The following RAPGEF2 variants were observed in gnomAD, a reference collection of about 807,000 sequenced individuals.
The protein encoded by RAPGEF2 is Rap guanine nucleotide exchange factor 2, also known as PDZ domain containing guanine nucleotide exchange factor (GEF) 1.
A neutral mutation model predicts 186.7 loss-of-function variants in RAPGEF2; 54 were observed. That is an observed-to-expected ratio of 0.29 (90% CI 0.23 to 0.36). The LOEUF (loss-of-function observed/expected upper bound fraction) is 0.36. Ranked by LOEUF, RAPGEF2 falls within the 10% of genes least tolerant of loss-of-function variation. The probability of loss-of-function intolerance (pLI) is 1.00; values close to 1 mark genes in which losing one functional copy is unlikely to be tolerated. For synonymous variants in RAPGEF2, 712 were observed against 705.9 expected (o/e 1.01, Z -0.14); for missense variants, 1,532 against 2,045.0 (o/e 0.75, Z 4.84).
intron 4 of RAPGEF2, among the ~76,000 whole-genome samples, chr4:159,225,815 T>TA: frequency 6.6e-6 from 1 of 152,238 alleles, no homozygotes; most frequent in Non-Finnish European, 1.5e-5. Flanking sequence ...CTGCCTGTTT[T>TA]AAAAAATTGG....
In RAPGEF2 at chr4:159,353,649, T is replaced by C. The variant is rs1441390034; in HGVS notation, c.4254T>C (p.His1418=). 1.3e-6 allele frequency: 2 copies of C among 1,591,406 alleles called. No individual in the cohort carries two copies. Among genetic ancestry groups the C allele is most frequent in the Admixed American group, 3.6e-5 (2 of 56,032 alleles). The change falls in exon 28 of 30, where the codon CAT becomes CAC. Residue 1418 remains histidine, a synonymous_variant. Coordinates refer to ENST00000691494, the MANE Select transcript of RAPGEF2 (RefSeq NM_001394067.2). The surrounding 1 kb of genome is among the most constrained non-coding windows in gnomAD (Gnocchi z 4.3). ...GSWTSCSSGS[H]DNIQTIQHQR... The stretch of plus-strand genomic sequence containing the variant: ...GGACGTCATGCTCAAGTGGCTCCCA[T>C]GATAATATACAGACGATCCAGCACC...
At chr4:159,258,497 A>G (rs921956107) in intron 7 of RAPGEF2, among the ~76,000 whole-genome samples, 3 of 152,154 alleles carry the variant, frequency 2.0e-5, no homozygotes, top group African/African-American at 7.2e-5. Context: ...GCACAATTCT[A>G]TTTCTGGTAG....
At chr4:159,125,528 G>A (rs1740191859) in intron 1 of RAPGEF2, among the ~76,000 whole-genome samples, 1 of 152,082 alleles carries the variant, frequency 6.6e-6, no homozygotes, top group Admixed American at 6.6e-5. Flanking sequence ...AGAGGCTGGG[G>A]TGGGCGGAAC....
At chr4:159,203,775 A>G (rs985131333) in intron 3 of RAPGEF2, among the ~76,000 whole-genome samples, 1 of 152,224 alleles carries the variant, frequency 6.6e-6, no homozygotes, top group Non-Finnish European at 1.5e-5. Flanking sequence ...GAGATGAGGA[A>G]GATGAAGAGA....
In RAPGEF2 at chr4:159,351,073, C is replaced by A. The variant is rs1731103650; in HGVS notation, c.3865+784C>A. 5 of 1,533,196 alleles carry A rather than the reference C, an allele frequency of 3.3e-6. No homozygotes were observed. In the East Asian group the frequency reaches 1.2e-4, roughly 37 times the overall value. 95.0% of individuals were successfully genotyped at this position (1,533,196 alleles called of 1,614,324 possible). On this transcript the variant is annotated intron_variant, in intron 26 of 29. Transcript: ENST00000691494. ...CCTGTTGTTAGGTGGCAGTGGCAATCAGCTGAGATCTTTTGGCTCCGGGCA... is the reference window on the plus strand; with the variant it reads ...CCTGTTGTTAGGTGGCAGTGGCAATAAGCTGAGATCTTTTGGCTCCGGGCA...
intron 1 of RAPGEF2, among the ~76,000 whole-genome samples, chr4:159,140,642 T>C (rs1742214051): frequency 6.6e-6 from 1 of 151,928 alleles, no homozygotes; most frequent in Non-Finnish European, 1.5e-5. Context: ...TGAGGAAAGG[T>C]TCTCAGTGAC....
At chr4:159,266,272 G>A (rs1252449135) in intron 7 of RAPGEF2, among the ~76,000 whole-genome samples, 1 of 151,946 alleles carries the variant, frequency 6.6e-6, no homozygotes, top group African/African-American at 2.4e-5. Flanking sequence ...GAAGGAAAGA[G>A]AATAGGGTGG....
intron 9 of RAPGEF2, among the ~76,000 whole-genome samples, chr4:159,316,208 C>G (rs926772456): frequency 1.3e-5 from 2 of 152,252 alleles, no homozygotes; most frequent in African/African-American, 4.8e-5. Context: ...GCTCCTATCT[C>G]TGTATGGCCT....
chr4:159,247,239 A>G (rs1005597563), intron 7 of RAPGEF2, among the ~76,000 whole-genome samples: 2 of 152,134 alleles, frequency 1.3e-5, no homozygotes, highest in African/African-American at 4.8e-5. Flanking sequence ...AGTGCCCACC[A>G]TGTTTCAGGT....
In RAPGEF2 at chr4:159,195,049, T is replaced by C. The variant is rs1008340373; in HGVS notation, c.197+1793T>C. 1.4e-4 allele frequency among the ~76,000 whole-genome samples: 22 copies of C among 152,308 alleles called. 1 individual carries two copies. Among genetic ancestry groups the C allele is most frequent in the African/African-American group, 4.8e-4 (20 of 41,562 alleles). Reference sequence around the variant, plus strand: ...AGGTAGATAGAATCTAGGATGATTCTGAGGTTGCAACATGTGAAACTATGA... The same window carrying C: ...AGGTAGATAGAATCTAGGATGATTCCGAGGTTGCAACATGTGAAACTATGA... On this transcript the variant is annotated intron_variant, in intron 3 of 29. Coordinates refer to ENST00000691494, the MANE Select transcript of RAPGEF2 (RefSeq NM_001394067.2).
intron 1 of RAPGEF2, among the ~76,000 whole-genome samples, chr4:159,157,134 G>A (rs1480697378): frequency 6.6e-6 from 1 of 152,148 alleles, no homozygotes; most frequent in East Asian, 1.9e-4. Context: ...CTGAAGAAAA[G>A]ATACTGCCCA....
rs1350030983 is a variant in RAPGEF2 at position 159,241,250 on chromosome 4, A to G, written c.407A>G (p.His136Arg). Reference protein sequence around the residue: ...NEEYFQRQASHRQSRRRFRKI... With the variant: ...NEEYFQRQASRRQSRRRFRKI... ...GAATATTTTCAGCGGCAAGCTTCCC[A>G]TAGACAGTCTCGAAGGAGATTTAGA... Residue 136 changes from histidine (H) to arginine (R), a missense_variant, in exon 6 of 30, where the codon CAT becomes CGT. His to Arg is a conservative substitution (Grantham distance 29). Coordinates refer to ENST00000691494, the MANE Select transcript of RAPGEF2 (RefSeq NM_001394067.2). 7 of 1,534,232 alleles carry G rather than the reference A, an allele frequency of 4.6e-6. No homozygotes were observed. The highest frequency in any genetic ancestry group is 3.5e-6 in the Non-Finnish European group (4 of 1,145,822).
At chr4:159,113,248 A>G (rs900973614) in intron 1 of RAPGEF2, among the ~76,000 whole-genome samples, 2 of 152,208 alleles carry the variant, frequency 1.3e-5, no homozygotes, top group Admixed American at 1.3e-4. Context: ...ATGAAATTTG[A>G]ATATTTAGAT....
intron 7 of RAPGEF2, chr4:159,282,727 C>T (rs2110902034): frequency 2.4e-6 from 1 of 417,124 alleles, no homozygotes; most frequent in Non-Finnish European, 4.7e-6. Flanking sequence ...TTTATTTGCT[C>T]ACAACTTAAT....
At position 159,237,842 on chromosome 4, in the gene RAPGEF2, T is replaced by TAAAAAAAA. The variant is rs58593781; in HGVS notation, c.282-945_282-938dup. 1.5e-4 allele frequency among the ~76,000 whole-genome samples: 10 copies of TAAAAAAAA among 66,930 alleles called. 1 individual carries two copies. Among genetic ancestry groups the TAAAAAAAA allele is most frequent in the African/African-American group, 4.9e-4 (9 of 18,236 alleles). The allele number at this position is 66,930 out of a possible 152,430, so 43.9% of individuals were successfully genotyped here. A position where few individuals can be genotyped will look rare whatever the true frequency, so the allele number is the denominator to read the frequency against. ...AGCTAGACTTTGTCTCTACAAAAAT[T>TAAAAAAAA]AAAAAAAAAAAAAAAAAAAAAAAAA... is the stretch of plus-strand genomic sequence containing the variant. On this transcript the variant is annotated intron_variant, in intron 4 of 29. Coordinates refer to ENST00000691494, the MANE Select transcript of RAPGEF2 (RefSeq NM_001394067.2).
At position 159,339,117 on chromosome 4, in the gene RAPGEF2, T is replaced by G. The variant is rs1369119217; in HGVS notation, c.2297T>G (p.Leu766Trp). The change falls in exon 19 of 30, where the codon TTG becomes TGG. Residue 766 changes from leucine (L) to tryptophan (W), a missense_variant. By Grantham distance (61) the Leu-to-Trp change is moderately conservative. This residue lies in a region of RAPGEF2 where 810 missense variants were observed against 1,210.5 expected (regional missense o/e 0.67). Coordinates refer to ENST00000691494, the MANE Select transcript of RAPGEF2 (RefSeq NM_001394067.2). ...GTGTGATTTTTCTTTCCCCCAGACT[T>G]GCCAGATCAAGTGCTAAGGGTTTTT... ...RILDFSATPD[L>W]PDQVLRVFKA... The G allele has an allele frequency of 6.2e-7, 1 of 1,612,736 alleles. No homozygotes were observed. Among genetic ancestry groups the G allele is most frequent in the South Asian group, 1.1e-5 (1 of 90,988 alleles).
intron 4 of RAPGEF2, among the ~76,000 whole-genome samples, chr4:159,219,618 G>A (rs868350862): frequency 6.6e-6 from 1 of 152,144 alleles, no homozygotes; most frequent in South Asian, 2.1e-4. Flanking sequence ...GCCTCCCAAA[G>A]TGCTGGGATT....
chr4:159,193,243 G>T lies in RAPGEF2; in HGVS notation c.184G>T (p.Glu62Ter). ...GAGATATGAGAGACACGAAGCAAAT[G>T]AAGTTTTATACTAGTAGGTGTTTCC... ...TVRYERHEAN[E>*]VLYYPDDIGT... The change falls in exon 3 of 30, where the codon GAA (glutamate) becomes TAA (stop). Residue 62 changes from glutamate (E) to a stop codon, truncating the protein, a stop_gained. Transcript: ENST00000691494. LOFTEE classifies it high-confidence loss of function. 1 of 1,501,048 alleles carries T rather than the reference G, an allele frequency of 6.7e-7. No individual in the cohort carries two copies. The highest frequency in any genetic ancestry group is 1.3e-5 in the South Asian group (1 of 77,864). 93.0% of individuals were successfully genotyped at this position (1,501,048 alleles called of 1,614,324 possible).
At chr4:159,230,999 T>A (rs967971614) in intron 4 of RAPGEF2, among the ~76,000 whole-genome samples, 7 of 152,294 alleles carry the variant, frequency 4.6e-5, no homozygotes, top group Admixed American at 4.6e-4. Context: ...AGAAATAATA[T>A]TATGTAGTCA....
Sources: gnomAD v4.1 joint callset for allele counts (sites outside exome capture counted in the v4.1 genomes callset) on GRCh38, gnomAD v4.1.1 for gene constraint, gnomAD v4.1.1 regional missense constraint, Gnocchi (gnomAD v3.1) non-coding constraint, MANE v1.5 for transcripts, NCBI Gene and HGNC (gene_info 2026-07-23, HGNC 2026-07-21) for gene names.